PCDHGA1: variants seen among roughly 807,000 people sequenced by gnomAD.
The protein encoded by PCDHGA1 is protocadherin gamma-A1.
Under a neutral mutation model 58.0 loss-of-function variants are expected in PCDHGA1, and 32 were observed. That is an observed-to-expected ratio of 0.55 (90% CI 0.42 to 0.74). PCDHGA1 has a LOEUF of 0.74. PCDHGA1 is among the 30% of genes least tolerant of loss of function. The pLI is 0.00. For missense variants in PCDHGA1, 1,205 were observed against 1,182.3 expected (o/e 1.02, Z -0.28); for synonymous variants, 498 against 501.1 (o/e 0.99, Z 0.08).
chr5:141,346,366 C>A lies in PCDHGA1; in HGVS notation c.2421+13261C>A, dbSNP rs749000978. The A allele has an allele frequency of 4.3e-6, 7 of 1,614,242 alleles. No homozygotes were observed. In the East Asian group the frequency reaches 1.3e-4, roughly 31 times the overall value. Reference sequence around the variant, plus strand: ...TTCCCCCAGCCCAACTATGCGGACACGCTCATCAGCCAGGAGAGCTGTGAG... The same window carrying A: ...TTCCCCCAGCCCAACTATGCGGACAAGCTCATCAGCCAGGAGAGCTGTGAG... On this transcript the variant is annotated intron_variant, in intron 1 of 3. Coordinates refer to ENST00000517417, the MANE Select transcript of PCDHGA1 (RefSeq NM_018912.3).
intron 1 of PCDHGA1, chr5:141,398,164 AG>A (rs970849138): frequency 6.8e-7 from 1 of 1,481,390 alleles, no homozygotes; most frequent in African/African-American, 1.4e-5. Context: ...CCGGGCTGAG[AG>A]GCTGCCAGTG....
At chr5:141,430,996 G>C in intron 1 of PCDHGA1, 8 of 1,614,024 alleles carry the variant, frequency 5.0e-6, no homozygotes, top group Middle Eastern at 3.3e-4. Context: ...CCCTGAATCC[G>C]CGCAGCGGCA....
chr5:141,407,971 G>A, intron 1 of PCDHGA1: 2 of 717,762 alleles, frequency 2.8e-6, no homozygotes, highest in South Asian at 2.3e-5. Flanking sequence ...AAGCGCTGAC[G>A]CCGGGGATCC....
At chr5:141,400,227 C>T in intron 1 of PCDHGA1, 1 of 1,614,052 alleles carries the variant, frequency 6.2e-7, no homozygotes, top group Middle Eastern at 1.6e-4. Flanking sequence ...TGCTCTTCCT[C>T]CTGGCCGTGA....
chr5:141,347,057 T>G (rs1299056718), intron 1 of PCDHGA1, among the ~76,000 whole-genome samples: 2 of 135,096 alleles, frequency 1.5e-5, no homozygotes, highest in Non-Finnish European at 3.2e-5. Context: ...CTTTCCTCCT[T>G]CCTTCCTTCC....
At chr5:141,338,804 G>T in intron 1 of PCDHGA1, 8 of 1,369,662 alleles carry the variant, frequency 5.8e-6, no homozygotes, top group Non-Finnish European at 7.5e-6. Context: ...TGGAGGTTTG[G>T]CCCTAAAGCT....
intron 1 of PCDHGA1, among the ~76,000 whole-genome samples, chr5:141,380,738 A>G (rs1282676783): frequency 6.6e-6 from 1 of 152,220 alleles, no homozygotes; most frequent in Non-Finnish European, 1.5e-5. Context: ...CTTTTCTCCA[A>G]AGAAGGTACC....
intron 1 of PCDHGA1, chr5:141,389,477 G>C (rs761615943): frequency 1.9e-6 from 3 of 1,613,174 alleles, no homozygotes; most frequent in Non-Finnish European, 2.5e-6. Flanking sequence ...TCACACTGCA[G>C]GCCCGCGACC....
chr5:141,340,589 C>G, intron 1 of PCDHGA1: 1 of 1,614,254 alleles, frequency 6.2e-7, no homozygotes, highest in East Asian at 2.2e-5. Flanking sequence ...CAGCGGGAAC[C>G]CTCCACTCAG....
rs746642302 is a variant in PCDHGA1, at chr5:141,491,107, A to G, written c.2422-3700A>G. The stretch of plus-strand genomic sequence containing the variant: ...AGCCCCAGGACTGTTCCTCGTGTCT[A>G]CACACACTGGTGAGGTGCGCACAGC... On this transcript the variant is annotated intron_variant, in intron 1 of 3. Coordinates refer to ENST00000517417, the MANE Select transcript of PCDHGA1 (RefSeq NM_018912.3). The surrounding 1 kb of genome is among the most constrained non-coding windows in gnomAD (Gnocchi z 6.9). 2.5e-6 allele frequency: 4 copies of G among 1,614,148 alleles called. No homozygotes were observed. Among genetic ancestry groups the G allele is most frequent in the Non-Finnish European group, 2.5e-6 (3 of 1,180,014 alleles).
chr5:141,335,447 T>A (rs1756565729), intron 1 of PCDHGA1, among the ~76,000 whole-genome samples: 1 of 152,182 alleles, frequency 6.6e-6, no homozygotes, highest in Admixed American at 6.5e-5. Context: ...GAACTGATTA[T>A]AGTTGTAAAA....
chr5:141,375,128 G>C (rs372521976), intron 1 of PCDHGA1: 1 of 1,613,780 alleles, frequency 6.2e-7, no homozygotes, highest in Non-Finnish European at 8.5e-7. Flanking sequence ...AGAAGTGGTT[G>C]TTACATCTGG....
At chr5:141,374,085 TG>T (rs1282444417) in intron 1 of PCDHGA1, 2 of 1,528,732 alleles carry the variant, frequency 1.3e-6, no homozygotes, top group Non-Finnish European at 1.8e-6. Flanking sequence ...AAGCCAGTAA[TG>T]GCGCCTCCGC....
intron 1 of PCDHGA1, among the ~76,000 whole-genome samples, chr5:141,353,336 TTCA>T (rs1197519087): frequency 1.3e-5 from 2 of 152,230 alleles, no homozygotes; most frequent in Non-Finnish European, 2.9e-5. Context: ...CAAGTTAAAG[TTCA>T]TCAATTACAT....
In PCDHGA1 at chr5:141,356,612, T is replaced by C. The variant is rs550399659; in HGVS notation, c.2421+23507T>C. 2.5e-6 allele frequency: 4 copies of C among 1,614,160 alleles called. No homozygotes were observed. The East Asian group carries it at 6.7e-5, about 27-fold the overall frequency. On this transcript the variant is annotated intron_variant, in intron 1 of 3. Transcript: ENST00000517417. ...GAAAACAACCCCAGAGGAGCCTCCA[T>C]CTTATCTATGACTGCTCAAGACCCT...
Position 141,355,906 on chromosome 5 carries a change from A to G in PCDHGA1, c.2421+22801A>G. ...GATTCTCATAATACTTGTGGATACC[A>G]ACGATAATGCTCCCGTGTTCACTCA... On this transcript the variant is annotated intron_variant, in intron 1 of 3. Coordinates refer to ENST00000517417, the MANE Select transcript of PCDHGA1 (RefSeq NM_018912.3). The G allele has an allele frequency of 4.3e-6, 7 of 1,613,782 alleles. No individual in the cohort carries two copies. The highest frequency in any genetic ancestry group is 5.9e-6 in the Non-Finnish European group (7 of 1,179,850).
chr5:141,343,214 G>T (rs1325860682), intron 1 of PCDHGA1: 1 of 805,268 alleles, frequency 1.2e-6, no homozygotes, highest in African/African-American at 1.9e-5. Flanking sequence ...TTATGTGTTT[G>T]TTTAATGAAT....
chr5:141,505,334 G>T, intron 2 of PCDHGA1, 59 bp from the exon 3 acceptor site: 1 of 1,611,326 alleles, frequency 6.2e-7, no homozygotes, highest in Non-Finnish European at 8.5e-7. Context: ...GAGAGGACAG[G>T]AGGGGCATGA....
chr5:141,392,568 T>A (rs2092555063), intron 1 of PCDHGA1: 4 of 442,486 alleles, frequency 9.0e-6, no homozygotes, highest in Non-Finnish European at 1.2e-5. Context: ...CAGTAACTAT[T>A]TAGGACTGTA....
Sources: allele counts gnomAD v4.1 joint callset (sites outside exome capture counted in the v4.1 genomes callset), GRCh38; gene constraint gnomAD v4.1.1; non-coding constraint Gnocchi (gnomAD v3.1); transcripts MANE v1.5; gene names NCBI Gene and HGNC (gene_info 2026-07-23, HGNC 2026-07-21).